The following GFRA2 variants were observed in gnomAD, a reference collection of about 807,000 sequenced individuals.
The protein encoded by GFRA2 is GDNF family receptor alpha 2.
A neutral mutation model predicts 48.3 loss-of-function variants in GFRA2; 17 were observed. The ratio of observed to expected loss-of-function variants is 0.35; its 90% CI spans 0.24 to 0.53. The LOEUF (loss-of-function observed/expected upper bound fraction) is 0.53, where lower values mean the gene tolerates loss of function less well. Among genes scored for constraint, GFRA2 ranks in the 20% least tolerant of loss-of-function variants. The pLI is 0.93. For synonymous variants in GFRA2, 305 were observed against 257.2 expected (o/e 1.19, Z -1.78); for missense variants, 660 against 637.3 (o/e 1.04, Z -0.38).
At chr8:21,808,168 T>C (rs1322538766) in intron 1 of GFRA2, among the ~76,000 whole-genome samples, 1 of 152,168 alleles carries the variant, frequency 6.6e-6, no homozygotes, top group Non-Finnish European at 1.5e-5. Flanking sequence ...TTCCATTTTC[T>C]CTGGGGGAAG....
Position 21,782,912 on chromosome 8 carries a change from G to C in GFRA2, c.41-13C>G. ...CGGAGGGTCTCGTCTGGGTGGTGGG[G>C]AGGGAAGACAAGCATGAATGACGGC... On this transcript the variant is annotated splice_polypyrimidine_tract_variant and intron_variant, in intron 1 of 8. Coordinates refer to ENST00000524240, the MANE Select transcript of GFRA2 (RefSeq NM_001495.5). The C allele has an allele frequency of 6.5e-7, 1 of 1,543,536 alleles. No individual in the cohort carries two copies. Among genetic ancestry groups the C allele is most frequent in the South Asian group, 1.2e-5 (1 of 84,772 alleles).
intron 4 of GFRA2, among the ~76,000 whole-genome samples, chr8:21,709,470 C>T (rs1456615965): frequency 6.6e-6 from 1 of 152,236 alleles, no homozygotes; most frequent in Non-Finnish European, 1.5e-5. Flanking sequence ...GTGTAGATAG[C>T]CATGCATCCT....
At chr8:21,769,239 C>T (rs1472333390) in intron 3 of GFRA2, 1 of 918,326 alleles carries the variant, frequency 1.1e-6, no homozygotes. Context: ...AAGTCTGGCC[C>T]CAGCCCCGCC....
chr8:21,710,912 G>C (rs1479696514), intron 4 of GFRA2, among the ~76,000 whole-genome samples: 1 of 152,144 alleles, frequency 6.6e-6, no homozygotes, highest in African/African-American at 2.4e-5. Context: ...CAAGCCCAAG[G>C]CTCCAGGAGG....
intron 4 of GFRA2, among the ~76,000 whole-genome samples, chr8:21,734,642 T>A (rs767282710): frequency 6.6e-6 from 1 of 152,252 alleles, no homozygotes; most frequent in Non-Finnish European, 1.5e-5. Flanking sequence ...CCCTGTGCCA[T>A]GGAAGCTGCC....
chr8:21,749,330 C>G (rs1287021269), intron 4 of GFRA2, among the ~76,000 whole-genome samples: 1 of 151,572 alleles, frequency 6.6e-6, no homozygotes, highest in East Asian at 1.9e-4. Context: ...TTTGGACCTA[C>G]GTTATGTCAT....
chr8:21,809,765 T>C (rs1351341453), intron 1 of GFRA2, among the ~76,000 whole-genome samples: 1 of 152,184 alleles, frequency 6.6e-6, no homozygotes, highest in African/African-American at 2.4e-5. Context: ...GCAGCCTCTG[T>C]TTGGTCTTTG....
At chr8:21,700,144 C>T (rs1802400261) in intron 7 of GFRA2, among the ~76,000 whole-genome samples, 1 of 152,198 alleles carries the variant, frequency 6.6e-6, no homozygotes, top group African/African-American at 2.4e-5. Context: ...CAGCAGGTAG[C>T]TCACCCATCC....
intron 4 of GFRA2, among the ~76,000 whole-genome samples, chr8:21,733,143 G>A (rs1182441562): frequency 6.6e-6 from 1 of 152,190 alleles, no homozygotes; most frequent in Non-Finnish European, 1.5e-5. Context: ...GCTCGTTTGT[G>A]AGAAGCTACA....
At chr8:21,710,236 C>T (rs1252105472) in intron 4 of GFRA2, among the ~76,000 whole-genome samples, 1 of 152,212 alleles carries the variant, frequency 6.6e-6, no homozygotes, top group African/African-American at 2.4e-5. Context: ...CCGCCTTGGG[C>T]TGCGACAGAG....
chr8:21,771,358 A>T (rs1806430230), intron 3 of GFRA2, among the ~76,000 whole-genome samples: 2 of 152,238 alleles, frequency 1.3e-5, no homozygotes, highest in Admixed American at 1.3e-4. Context: ...TCTCCATGAA[A>T]TCTCTTCCCA....
chr8:21,757,318 A>G (rs1805617936), intron 3 of GFRA2, among the ~76,000 whole-genome samples: 1 of 152,160 alleles, frequency 6.6e-6, no homozygotes, highest in Admixed American at 6.5e-5. Context: ...GTGATTCCAG[A>G]CACTGGAAGC....
chr8:21,801,633 T>C (rs1212890792), intron 2 of GFRA2, among the ~76,000 whole-genome samples: 4 of 145,398 alleles, frequency 2.8e-5, no homozygotes, highest in African/African-American at 1.0e-4. Context: ...AACAAGGCAT[T>C]AGACACCTAT....
intron 6 of GFRA2, among the ~76,000 whole-genome samples, chr8:21,703,756 C>T (rs1802602239): frequency 6.6e-6 from 1 of 152,174 alleles, no homozygotes; most frequent in African/African-American, 2.4e-5. Flanking sequence ...ATCCCTCCAC[C>T]CCATCTCCCA....
chr8:21,751,078 C>A (rs1434017549), intron 3 of GFRA2, 136 bp from the exon 4 acceptor site: 3 of 656,866 alleles, frequency 4.6e-6, no homozygotes, highest in Admixed American at 5.6e-5. Flanking sequence ...TCCCCCTTTG[C>A]GAAATGGGGA....
chr8:21,715,831 A>G (rs1803303693), intron 4 of GFRA2, among the ~76,000 whole-genome samples: 1 of 152,224 alleles, frequency 6.6e-6, no homozygotes, highest in Non-Finnish European at 1.5e-5. Flanking sequence ...AAGAATACAC[A>G]TGCAGCTAAC....
rs1243989560 is a variant in GFRA2, at chr8:21,786,739, G to C, written c.40+1381C>G. On this transcript the variant is annotated intron_variant, in intron 1 of 8. Coordinates refer to ENST00000524240, the MANE Select transcript of GFRA2 (RefSeq NM_001495.5). Reference sequence around the variant, plus strand: ...GGGAAGCAGAGGGGACAGGCAGAGAGTCCAGAGCCTGTGTGGACACCCAAT... The same window carrying C: ...GGGAAGCAGAGGGGACAGGCAGAGACTCCAGAGCCTGTGTGGACACCCAAT... Among the ~76,000 whole-genome samples the C allele has an allele frequency of 2.0e-5, 3 of 152,320 alleles. No homozygotes were observed. The South Asian group carries it at 6.2e-4, about 32-fold the overall frequency.
chr8:21,718,053 T>C (rs922710583), intron 4 of GFRA2, among the ~76,000 whole-genome samples: 1 of 152,122 alleles, frequency 6.6e-6, no homozygotes, highest in African/African-American at 2.4e-5. Flanking sequence ...ATCTGCAAAA[T>C]GGAGGTAATA....
chr8:21,809,246 C>T (rs867726093), intron 1 of GFRA2, among the ~76,000 whole-genome samples: 23 of 152,198 alleles, frequency 1.5e-4, no homozygotes, highest in African/African-American at 5.6e-4. Flanking sequence ...GAGAGCCCTT[C>T]TAAGGGCAGG....
Sources: allele counts gnomAD v4.1 joint callset (sites outside exome capture counted in the v4.1 genomes callset), GRCh38; gene constraint gnomAD v4.1.1; transcripts MANE v1.5; gene names NCBI Gene and HGNC (gene_info 2026-07-23, HGNC 2026-07-21).